ST6GALNAC3: variants seen among roughly 807,000 people sequenced by gnomAD.
ST6GALNAC3 encodes alpha-N-acetylgalactosaminide alpha-2,6-sialyltransferase 3.
ST6GALNAC3 carries 25 observed loss-of-function variants against 32.7 expected under a neutral mutation model. The ratio of observed to expected loss-of-function variants is 0.76; its 90% CI spans 0.56 to 1.07. The LOEUF is 1.07. Ranked by LOEUF, ST6GALNAC3 falls within the 50% of genes least tolerant of loss-of-function variation. The probability of loss-of-function intolerance (pLI) is 0.00; values close to 1 mark genes in which losing one functional copy is unlikely to be tolerated. For missense variants in ST6GALNAC3, 355 were observed against 382.4 expected (o/e 0.93, Z 0.60); for synonymous variants, 129 against 133.1 (o/e 0.97, Z 0.21).
intron 3 of ST6GALNAC3, among the ~76,000 whole-genome samples, chr1:76,565,750 A>G (rs891607930): frequency 6.6e-6 from 1 of 152,188 alleles, no homozygotes; most frequent in African/African-American, 2.4e-5. Flanking sequence ...TGGATATTCA[A>G]TGATGTTTAT....
At chr1:76,472,827 C>T (rs191203955) in intron 3 of ST6GALNAC3, among the ~76,000 whole-genome samples, 28 of 151,954 alleles carry the variant, frequency 1.8e-4, no homozygotes, top group South Asian at 4.2e-4. Flanking sequence ...GAGAGAAAAA[C>T]GAGGCCAGAG....
At chr1:76,135,565 T>C (rs1334226147) in intron 1 of ST6GALNAC3, among the ~76,000 whole-genome samples, 1 of 152,204 alleles carries the variant, frequency 6.6e-6, no homozygotes, top group Non-Finnish European at 1.5e-5. Flanking sequence ...AAAGTCAAAA[T>C]TCATTGGACA....
rs187743906 is a variant in ST6GALNAC3 at position 76,290,400 on chromosome 1, T to A, written c.19-23405T>A. On this transcript the variant is annotated intron_variant, in intron 1 of 4. Transcript: ENST00000328299. ...AAACATTCAGATCTACCTCACTCCT[T>A]TCAATGACTGCATGCCCATGGAATG... Among the ~76,000 whole-genome samples, 5 of 152,326 alleles carry A rather than the reference T, an allele frequency of 3.3e-5. No individual in the cohort carries two copies. The East Asian group carries it at 9.6e-4, about 29-fold the overall frequency.
intron 3 of ST6GALNAC3, among the ~76,000 whole-genome samples, chr1:76,592,994 C>T (rs968727037): frequency 6.9e-6 from 1 of 144,248 alleles, no homozygotes; most frequent in African/African-American, 2.8e-5. Flanking sequence ...CTCATTTTGT[C>T]CTCCTTTTTT....
intron 1 of ST6GALNAC3, among the ~76,000 whole-genome samples, chr1:76,107,126 G>A (rs1647588244): frequency 1.3e-5 from 2 of 152,066 alleles, no homozygotes; most frequent in African/African-American, 4.8e-5. Flanking sequence ...TTACATTGTG[G>A]GTTTACAGCT....
intron 2 of ST6GALNAC3, among the ~76,000 whole-genome samples, chr1:76,376,412 C>G (rs1651233673): frequency 6.6e-6 from 1 of 152,158 alleles, no homozygotes; most frequent in African/African-American, 2.4e-5. Context: ...CAGAACAGTT[C>G]TATCACAAGG....
chr1:76,203,807 T>C (rs916790695), intron 1 of ST6GALNAC3, among the ~76,000 whole-genome samples: 3 of 152,194 alleles, frequency 2.0e-5, no homozygotes, highest in African/African-American at 7.2e-5. Flanking sequence ...AATACACACA[T>C]ATAATTTGTA....
chr1:76,380,041 G>A (rs1651581387), intron 2 of ST6GALNAC3, among the ~76,000 whole-genome samples: 1 of 152,114 alleles, frequency 6.6e-6, no homozygotes, highest in Non-Finnish European at 1.5e-5. Context: ...AAAACATATG[G>A]CAGCTAAGTC....
intron 3 of ST6GALNAC3, among the ~76,000 whole-genome samples, chr1:76,508,492 A>G (rs1323968517): frequency 6.6e-6 from 1 of 152,156 alleles, no homozygotes; most frequent in Non-Finnish European, 1.5e-5. Flanking sequence ...GACAGCTCCC[A>G]GAGTCTGCAC....
chr1:76,293,176 A>G lies in ST6GALNAC3; in HGVS notation c.19-20629A>G, dbSNP rs144257690. On this transcript the variant is annotated intron_variant, in intron 1 of 4. Transcript: ENST00000328299. ...CTTTTAATCTTTTTAACTGAATCCT[A>G]CTTACCATTTTCAATTTTAATGATA... Among the ~76,000 whole-genome samples, 7 of 152,204 alleles carry G rather than the reference A, an allele frequency of 4.6e-5. No homozygotes were observed. In the East Asian group the frequency reaches 1.4e-3, roughly 29 times the overall value.
chr1:76,078,772 G>C (rs1439684053), intron 1 of ST6GALNAC3, among the ~76,000 whole-genome samples: 1 of 152,040 alleles, frequency 6.6e-6, no homozygotes, highest in African/African-American at 2.4e-5. Context: ...TCAAGGACCA[G>C]TCTCTTTATT....
chr1:76,630,343 T>G lies in ST6GALNAC3; in HGVS notation c.*1537T>G. The G allele has an allele frequency of 1.0e-6, 1 of 985,218 alleles. No individual in the cohort carries two copies. The highest frequency in any genetic ancestry group is 1.2e-6 in the Non-Finnish European group (1 of 829,816). 61.0% of individuals were successfully genotyped at this position (985,218 alleles called of 1,614,324 possible). On this transcript the variant is annotated 3_prime_UTR_variant, in exon 5 of 5. Coordinates refer to ENST00000328299, the MANE Select transcript of ST6GALNAC3 (RefSeq NM_152996.4). Reference sequence around the variant, plus strand: ...ATATACGTATATATACACGTGTGGTTCTATTTAGGTGGGGAAAAAATGAAA... The same window carrying G: ...ATATACGTATATATACACGTGTGGTGCTATTTAGGTGGGGAAAAAATGAAA...
At chr1:76,277,128 T>C (rs936589510) in intron 1 of ST6GALNAC3, among the ~76,000 whole-genome samples, 3 of 152,184 alleles carry the variant, frequency 2.0e-5, no homozygotes, top group African/African-American at 7.2e-5. Context: ...TTGAGATAAA[T>C]TCTTTTAATA....
At chr1:76,577,585 C>G (rs1372876817) in intron 3 of ST6GALNAC3, among the ~76,000 whole-genome samples, 1 of 151,880 alleles carries the variant, frequency 6.6e-6, no homozygotes, top group African/African-American at 2.4e-5. Context: ...TACAGCACAC[C>G]AGTATTTGTC....
chr1:76,089,972 A>C (rs1647022066), intron 1 of ST6GALNAC3, among the ~76,000 whole-genome samples: 1 of 152,190 alleles, frequency 6.6e-6, no homozygotes, highest in Non-Finnish European at 1.5e-5. Context: ...AGAAGGTAAG[A>C]GTAAGTTAGA....
chr1:76,386,809 G>T (rs1028599900), intron 2 of ST6GALNAC3, among the ~76,000 whole-genome samples: 1 of 152,100 alleles, frequency 6.6e-6, no homozygotes, highest in Non-Finnish European at 1.5e-5. Flanking sequence ...TGAAAGAGGA[G>T]TATTATCCAA....
intron 2 of ST6GALNAC3, among the ~76,000 whole-genome samples, chr1:76,374,406 A>C (rs147223979): frequency 2.4e-4 from 37 of 152,354 alleles, no homozygotes; most frequent in African/African-American, 8.4e-4. Context: ...GAGCTTGTAC[A>C]TAATGGAATA....
At chr1:76,532,540 C>T (rs1018659658) in intron 3 of ST6GALNAC3, among the ~76,000 whole-genome samples, 4 of 152,008 alleles carry the variant, frequency 2.6e-5, no homozygotes, top group African/African-American at 7.2e-5. Flanking sequence ...ACATAGAAAT[C>T]GGGAGTGAAA....
Position 76,628,656 on chromosome 1 carries a change from T to G in ST6GALNAC3, c.768T>G (p.Tyr256Ter). The change falls in exon 5 of 5, where the codon TAT becomes TAG. Residue 256 changes from tyrosine to a stop codon, truncating the protein, a stop_gained. Transcript: ENST00000328299. LOFTEE classifies it high-confidence loss of function. ...ATAGAAAAGTCCCCTACCATTATTA[T>G]GAACAAGGAAGAGATGAGTGTGATG... The part of the protein sequence containing the change: ...EGYRKVPYHY[Y>*]EQGRDECDEY... The G allele has an allele frequency of 6.2e-7, 1 of 1,611,328 alleles. No individual in the cohort carries two copies. Among genetic ancestry groups the G allele is most frequent in the Non-Finnish European group, 8.5e-7 (1 of 1,178,822 alleles).
Sources: gnomAD v4.1 joint callset for allele counts (sites outside exome capture counted in the v4.1 genomes callset) on GRCh38, gnomAD v4.1.1 for gene constraint, MANE v1.5 for transcripts, NCBI Gene and HGNC (gene_info 2026-07-23, HGNC 2026-07-21) for gene names.